Variants in CEMIP observed in about 807,000 individuals in gnomAD.
CEMIP encodes the protein cell migration inducing hyaluronidase 1, also known as cell migration-inducing and hyaluronan-binding protein.
CEMIP carries 105 observed loss-of-function variants against 156.9 expected under a neutral mutation model. That is an observed-to-expected ratio of 0.67 (90% CI 0.57 to 0.79). CEMIP has a LOEUF of 0.79. Among genes scored for constraint, CEMIP ranks in the 30% least tolerant of loss-of-function variants. The pLI, the probability that CEMIP is intolerant of heterozygous loss-of-function variation, is 0.00. For missense variants in CEMIP, 1,457 were observed against 1,769.4 expected (o/e 0.82, Z 3.17); for synonymous variants, 676 against 668.4 (o/e 1.01, Z -0.17).
At chr15:80,878,699 G>A (rs765433896) in intron 3 of CEMIP, 22 bp from the exon 4 acceptor site, 3 of 1,614,066 alleles carry the variant, frequency 1.9e-6, no homozygotes, top group Non-Finnish European at 2.5e-6. Context: ...TGGGAGCAGT[G>A]ACATCTCTCT....
intron 1 of CEMIP, among the ~76,000 whole-genome samples, chr15:80,847,567 G>C (rs1015192267): frequency 1.3e-5 from 2 of 152,174 alleles, no homozygotes; most frequent in Non-Finnish European, 2.9e-5. Context: ...AGGACCCCCA[G>C]AATCCAATAT....
chr15:80,941,934 A>G lies in CEMIP; in HGVS notation c.3493A>G (p.Lys1165Glu), dbSNP rs557245322. ...SMKGCERIKI[K>E]ALIPKNAGVS... ...GAAAGGCTGTGAGAGGATAAAGATT[A>G]AAGCTCTGATTCCAAAGAACGCAGG... The change falls in exon 26 of 30, where the codon AAA becomes GAA. Residue 1165 changes from lysine to glutamate, a missense_variant. Transcript: ENST00000394685. 2.5e-6 allele frequency: 4 copies of G among 1,614,058 alleles called. No homozygotes were observed. Among genetic ancestry groups the G allele is most frequent in the Admixed American group, 1.7e-5 (1 of 60,018 alleles).
chr15:80,944,877 G>A (rs528951086), intron 28 of CEMIP, among the ~76,000 whole-genome samples: 24 of 152,264 alleles, frequency 1.6e-4, no homozygotes, highest in Non-Finnish European at 3.4e-4. Flanking sequence ...CCACCAGCCC[G>A]AGCAGCAGCA....
At chr15:80,889,440 T>G (rs768940880) in intron 9 of CEMIP, 31 bp from the exon 10 acceptor site, 8 of 1,613,652 alleles carry the variant, frequency 5.0e-6, no homozygotes, top group Admixed American at 1.7e-5. Flanking sequence ...GACAACCTCC[T>G]GTCTGACTGT....
At chr15:80,784,902 G>A (rs1472361039) in intron 1 of CEMIP, among the ~76,000 whole-genome samples, 1 of 152,096 alleles carries the variant, frequency 6.6e-6, no homozygotes, top group African/African-American at 2.4e-5. Flanking sequence ...ATTCTTCTTG[G>A]TGTAATTTAA....
In CEMIP at chr15:80,931,890, G is replaced by C. The variant is rs1278516482; in HGVS notation, c.2644G>C (p.Asp882His). Residue 882 changes from aspartate (D) to histidine (H), a missense_variant, in exon 22 of 30, where the codon GAT becomes CAT. Physicochemically the swap from Asp to His is moderately conservative, Grantham distance 81. This residue lies in a region of CEMIP where 798 missense variants were observed against 980.1 expected (regional missense o/e 0.81). Transcript: ENST00000394685. Reference sequence around the variant, plus strand: ...TCCAATTAGAGGAATTCAGTTATATGATGGCCCCATCAACATCCAAAACTG... The same window carrying C: ...TCCAATTAGAGGAATTCAGTTATATCATGGCCCCATCAACATCCAAAACTG... ...NFPIRGIQLY[D>H]GPINIQNCTF... 6.2e-7 allele frequency: 1 copy of C among 1,614,182 alleles called. No homozygotes were observed. Among genetic ancestry groups the C allele is most frequent in the Non-Finnish European group, 8.5e-7 (1 of 1,180,026 alleles).
intron 12 of CEMIP, among the ~76,000 whole-genome samples, chr15:80,899,385 T>C (rs911263872): frequency 2.6e-5 from 4 of 152,026 alleles, no homozygotes; most frequent in Admixed American, 6.5e-5. Context: ...CCAATCAAAA[T>C]AGAATTCCAA....
intron 1 of CEMIP, among the ~76,000 whole-genome samples, chr15:80,872,939 G>A (rs1898346189): frequency 6.6e-6 from 1 of 152,168 alleles, no homozygotes; most frequent in Admixed American, 6.5e-5. Context: ...GCTTGCATTG[G>A]CATCCTCAGT....
chr15:80,910,284 A>T (rs897922004), intron 14 of CEMIP, among the ~76,000 whole-genome samples: 1 of 152,220 alleles, frequency 6.6e-6, no homozygotes, highest in Non-Finnish European at 1.5e-5. Flanking sequence ...GAGCAGAGTC[A>T]AGGCTGCCTC....
At chr15:80,795,620 T>C (rs1366849835) in intron 1 of CEMIP, among the ~76,000 whole-genome samples, 1 of 152,182 alleles carries the variant, frequency 6.6e-6, no homozygotes, top group African/African-American at 2.4e-5. Context: ...ACCTTGCATC[T>C]TTTCAACAGG....
intron 14 of CEMIP, chr15:80,909,698 GACA>G (rs1035922822): frequency 6.7e-6 from 3 of 447,260 alleles, no homozygotes; most frequent in Non-Finnish European, 1.4e-5. Flanking sequence ...TTGAGATGGT[GACA>G]ACAATGGGCT....
rs550719930 is a variant in CEMIP, at chr15:80,922,887, G to A, written c.2202+750G>A. Reference sequence around the variant, plus strand: ...CAGAGACGCTCTTTGTTGGGGCAGAGGTGGTCTCAAGGATGCCAGGGCGGT... The same window carrying A: ...CAGAGACGCTCTTTGTTGGGGCAGAAGTGGTCTCAAGGATGCCAGGGCGGT... On this transcript the variant is annotated intron_variant, in intron 17 of 29. Transcript: ENST00000394685. Among the ~76,000 whole-genome samples the A allele has an allele frequency of 2.2e-4, 34 of 152,326 alleles. No individual in the cohort carries two copies. In the South Asian group the frequency reaches 6.0e-3, roughly 27 times the overall value.
Position 80,947,356 on chromosome 15 carries a change from A to G in CEMIP, c.3958+291A>G, listed in dbSNP as rs548647902. The G allele has an allele frequency of 1.3e-4, 52 of 406,002 alleles. 1 individual carries two copies. Among genetic ancestry groups the G allele is most frequent in the South Asian group, 1.3e-3 (51 of 40,638 alleles). The allele number at this position is 406,002 out of a possible 1,614,324, so 25.1% of individuals were successfully genotyped here. ...TTGGAAAGTGGCCCTTTATTCAACA[A>G]AAGTATCATAAGAAAAGTGGCTTAG... On this transcript the variant is annotated intron_variant, in intron 29 of 29. Coordinates refer to ENST00000394685, the MANE Select transcript of CEMIP (RefSeq NM_001293298.2).
chr15:80,892,673 C>T (rs915653289), intron 10 of CEMIP, among the ~76,000 whole-genome samples: 4 of 152,182 alleles, frequency 2.6e-5, no homozygotes, highest in South Asian at 2.1e-4. Context: ...TAAGGCAGCC[C>T]GCTCCCTCCA....
intron 1 of CEMIP, among the ~76,000 whole-genome samples, chr15:80,820,331 G>T (rs1261211828): frequency 6.6e-6 from 1 of 152,192 alleles, no homozygotes; most frequent in Non-Finnish European, 1.5e-5. Context: ...TATTCAAGCA[G>T]AGCCCAGTAT....
At chr15:80,809,164 G>C (rs1337141707) in intron 1 of CEMIP, among the ~76,000 whole-genome samples, 2 of 152,126 alleles carry the variant, frequency 1.3e-5, no homozygotes, top group East Asian at 3.8e-4. Flanking sequence ...TGATGTTAAA[G>C]ACTTTATCAG....
In CEMIP at chr15:80,909,495, C is replaced by G. The variant is rs751540879; in HGVS notation, c.1797+189C>G. 149 of 694,832 alleles carry G rather than the reference C, an allele frequency of 2.1e-4. 1 individual carries two copies. The highest frequency in any genetic ancestry group is 2.9e-4 in the Non-Finnish European group (113 of 384,324). 43.0% of individuals were successfully genotyped at this position (694,832 alleles called of 1,614,324 possible). A position where few individuals can be genotyped will look rare whatever the true frequency, so the allele number is the denominator to read the frequency against. ...AGGAAGGAGAAAATAGAGGTTTGTC[C>G]TTACCAAAGGTACCAAGCAGAGATG... is the stretch of plus-strand genomic sequence containing the variant. On this transcript the variant is annotated intron_variant, in intron 14 of 29. Coordinates refer to ENST00000394685, the MANE Select transcript of CEMIP (RefSeq NM_001293298.2).
At position 80,949,758 on chromosome 15, in the gene CEMIP, CAG is replaced by C. The variant is rs1596218858; in HGVS notation, c.*839_*840del. 1 of 152,296 alleles carries C rather than the reference CAG, an allele frequency of 6.6e-6. No homozygotes were observed. The highest frequency in any genetic ancestry group is 6.5e-5 in the Admixed American group (1 of 15,280). 9.4% of individuals were successfully genotyped at this position (152,296 alleles called of 1,614,324 possible). On this transcript the variant is annotated 3_prime_UTR_variant, in exon 30 of 30. Coordinates refer to ENST00000394685, the MANE Select transcript of CEMIP (RefSeq NM_001293298.2). ...ACTGCAATGCCAGGTGGAGAAATCA[CAG>C]AGAGGTAAAATGGAGGCCAGTGCCA...
At chr15:80,823,899 C>T (rs1007940833) in intron 1 of CEMIP, among the ~76,000 whole-genome samples, 2 of 152,202 alleles carry the variant, frequency 1.3e-5, no homozygotes, top group Non-Finnish European at 2.9e-5. Context: ...TAAACTATCC[C>T]TGTCTCACAG....
Sources: gnomAD v4.1 joint callset for allele counts (sites outside exome capture counted in the v4.1 genomes callset) on GRCh38, gnomAD v4.1.1 for gene constraint, gnomAD v4.1.1 regional missense constraint, MANE v1.5 for transcripts, NCBI Gene and HGNC (gene_info 2026-07-23, HGNC 2026-07-21) for gene names.